CSTPP1: variants seen among roughly 807,000 people sequenced by gnomAD.
CSTPP1 encodes the protein UPF0705 protein C11orf49.
chr11:47,066,974 T>C, the CSTPP1 span, among the ~76,000 whole-genome samples: 3 of 152,206 alleles, frequency 2.0e-5, no homozygotes, highest in Admixed American at 6.5e-5. Context: ...CTTGTTTATG[T>C]CGATTAGCCT....
the CSTPP1 span, among the ~76,000 whole-genome samples, chr11:47,075,362 C>G: frequency 2.6e-5 from 4 of 151,764 alleles, no homozygotes; most frequent in African/African-American, 9.7e-5. Context: ...CAGTGCAAGA[C>G]CTTGCCTCAA....
chr11:47,013,275 G>T, the CSTPP1 span, among the ~76,000 whole-genome samples: 233 of 151,446 alleles, frequency 1.5e-3, no homozygotes, highest in Non-Finnish European at 3.0e-3. Flanking sequence ...CAGGGTACAT[G>T]TACAGGATAT....
the CSTPP1 span, among the ~76,000 whole-genome samples, chr11:47,009,387 T>C: frequency 6.6e-6 from 1 of 152,192 alleles, no homozygotes; most frequent in Non-Finnish European, 1.5e-5. Context: ...CAAGGGATCA[T>C]AAAGGAATCT....
At chr11:47,075,830 A>G in the CSTPP1 span, among the ~76,000 whole-genome samples, 3 of 149,882 alleles carry the variant, frequency 2.0e-5, no homozygotes, top group Non-Finnish European at 4.4e-5. Flanking sequence ...AGGCAGGTGA[A>G]TCTCTTGAAC....
At chr11:47,032,925 C>T in the CSTPP1 span, among the ~76,000 whole-genome samples, 1 of 152,116 alleles carries the variant, frequency 6.6e-6, no homozygotes, top group Non-Finnish European at 1.5e-5. Context: ...AGCATTAAAA[C>T]AGTTGATTAA....
the CSTPP1 span, among the ~76,000 whole-genome samples, chr11:47,065,220 C>T: frequency 3.9e-5 from 6 of 151,992 alleles, no homozygotes; most frequent in African/African-American, 7.3e-5. Context: ...AGATCACTTT[C>T]GGTGGTAGTA....
the CSTPP1 span, among the ~76,000 whole-genome samples, chr11:47,134,925 G>A: frequency 2.6e-5 from 4 of 152,144 alleles, no homozygotes; most frequent in South Asian, 6.2e-4. Flanking sequence ...CCTGGGTGAC[G>A]GCACGAGACC....
chr11:47,017,339 T>C, the CSTPP1 span, among the ~76,000 whole-genome samples: 1 of 152,116 alleles, frequency 6.6e-6, no homozygotes, highest in Non-Finnish European at 1.5e-5. Context: ...CACGCCCAGC[T>C]AATTTTTGTA....
chr11:46,987,693 C>G, the CSTPP1 span: 1 of 178,988 alleles, frequency 5.6e-6, no homozygotes, highest in African/African-American at 2.4e-5. Flanking sequence ...GCTAATGTTC[C>G]TCTGCAGTTT....
chr11:46,937,630 C>A, the CSTPP1 span, among the ~76,000 whole-genome samples: 1 of 152,126 alleles, frequency 6.6e-6, no homozygotes, highest in Non-Finnish European at 1.5e-5. Context: ...AGTGCAGTGG[C>A]GCGATCTTGG....
At chr11:46,989,769 A>G in the CSTPP1 span, among the ~76,000 whole-genome samples, 6 of 152,136 alleles carry the variant, frequency 3.9e-5, no homozygotes, top group African/African-American at 1.4e-4. Context: ...ATAGTACCCA[A>G]TAGGTAGTTT....
At chr11:47,001,358 T>A in the CSTPP1 span, among the ~76,000 whole-genome samples, 1 of 152,218 alleles carries the variant, frequency 6.6e-6, no homozygotes, top group Non-Finnish European at 1.5e-5. Context: ...GAGATGGAAA[T>A]CTTTGTCAGT....
At chr11:47,080,859 A>C in the CSTPP1 span, among the ~76,000 whole-genome samples, 1 of 151,952 alleles carries the variant, frequency 6.6e-6, no homozygotes, top group African/African-American at 2.4e-5. Context: ...AAATACAAAA[A>C]TTGGCCAGGC....
chr11:47,116,970 C>T, the CSTPP1 span, among the ~76,000 whole-genome samples: 10 of 152,042 alleles, frequency 6.6e-5, no homozygotes, highest in Non-Finnish European at 1.2e-4. Flanking sequence ...CGTGAGCCAC[C>T]GCACCTGGCC....
At chr11:47,003,763 A>C in the CSTPP1 span, among the ~76,000 whole-genome samples, 1 of 152,186 alleles carries the variant, frequency 6.6e-6, no homozygotes, top group Non-Finnish European at 1.5e-5. Flanking sequence ...ATAATACTAC[A>C]ATGAGAGATG....
the CSTPP1 span, among the ~76,000 whole-genome samples, chr11:47,007,460 G>A: frequency 6.6e-6 from 1 of 151,950 alleles, no homozygotes; most frequent in Non-Finnish European, 1.5e-5. Flanking sequence ...TCTAATTATT[G>A]TATTTTTTTA....
chr11:47,055,055 C>T, the CSTPP1 span, among the ~76,000 whole-genome samples: 2 of 150,116 alleles, frequency 1.3e-5, no homozygotes, highest in South Asian at 4.2e-4. Flanking sequence ...ATCCTCCCAC[C>T]TCAAGTAGCT....
chr11:47,043,317 G>A, the CSTPP1 span, among the ~76,000 whole-genome samples: 1 of 152,134 alleles, frequency 6.6e-6, no homozygotes, highest in East Asian at 1.9e-4. Flanking sequence ...GCTGAGGCAG[G>A]AGAATCCCTT....
At chr11:46,996,338 C>G in the CSTPP1 span, among the ~76,000 whole-genome samples, 1 of 150,340 alleles carries the variant, frequency 6.7e-6, no homozygotes, top group African/African-American at 2.4e-5. Flanking sequence ...GAGTTTCGCT[C>G]TGTCGCCCAG....
Sources: allele counts gnomAD v4.1 joint callset (sites outside exome capture counted in the v4.1 genomes callset), GRCh38; gene constraint gnomAD v4.1.1; transcripts MANE v1.5; gene names NCBI Gene and HGNC (gene_info 2026-07-23, HGNC 2026-07-21).